Variants in KCNQ1OT1 observed in about 807,000 individuals in gnomAD.
KCNQ1OT1 encodes KCNQ1 antisense RNA 2 (non-protein coding).
exon 1 of KCNQ1OT1, chr11:2,696,818 G>A (rs1850684200): frequency 2.5e-6 from 1 of 398,426 alleles, no homozygotes; most frequent in Admixed American, 4.4e-5. Flanking sequence ...TATTCTGATT[G>A]CTGTCCTAAT....
Position 2,617,477 on chromosome 11 carries a change from G to A in KCNQ1OT1, n.82518C>T, listed in dbSNP as rs190232736. 6.3e-5 allele frequency: 25 copies of A among 398,350 alleles called. No individual in the cohort carries two copies. Among genetic ancestry groups the A allele is most frequent in the Non-Finnish European group, 8.4e-5 (19 of 225,944 alleles). The allele number at this position is 398,350 out of a possible 1,614,324, so 24.7% of individuals were successfully genotyped here. ...AGTTTAGTCATCCATCAATGGACAC[G>A]TAAGTTTTCATATCGTGACTCATGC... On this transcript the variant is annotated non_coding_transcript_exon_variant, in exon 1 of 1. Transcript: ENST00000597346. This position sits in a 1 kb window ranked among gnomAD's most constrained non-coding sequence, Gnocchi z 4.6.
chr11:2,678,206 C>T lies in KCNQ1OT1; in HGVS notation n.21789G>A. 1 of 398,318 alleles carries T rather than the reference C, an allele frequency of 2.5e-6. No homozygotes were observed. 24.7% of individuals were successfully genotyped at this position (398,318 alleles called of 1,614,324 possible). On this transcript the variant is annotated non_coding_transcript_exon_variant, in exon 1 of 1. Coordinates refer to ENST00000597346, the Ensembl canonical transcript of KCNQ1OT1. The surrounding 1 kb of genome is among the most constrained non-coding windows in gnomAD (Gnocchi z 4.9). ...CAGAATTTTTTTAATTTCACATAGTCAGCTGTGTCAGTCTTTTATGGTTTG... is the reference window on the plus strand; with the variant it reads ...CAGAATTTTTTTAATTTCACATAGTTAGCTGTGTCAGTCTTTTATGGTTTG...
chr11:2,628,299 C>G (rs1849292395), exon 1 of KCNQ1OT1: 2 of 398,408 alleles, frequency 5.0e-6, no homozygotes, highest in South Asian at 2.5e-4. Flanking sequence ...CCAACACTTG[C>G]TATCTTTTGA....
At chr11:2,619,895 G>A in exon 1 of KCNQ1OT1, 1 of 398,308 alleles carries the variant, frequency 2.5e-6, no homozygotes, top group Non-Finnish European at 4.4e-6. Context: ...ATATGTACAG[G>A]TCTATATGTT....
chr11:2,674,435 G>A lies in KCNQ1OT1; in HGVS notation n.25560C>T, dbSNP rs1254511642. On this transcript the variant is annotated non_coding_transcript_exon_variant, in exon 1 of 1. Coordinates refer to ENST00000597346, the Ensembl canonical transcript of KCNQ1OT1. The surrounding 1 kb of genome is among the most constrained non-coding windows in gnomAD (Gnocchi z 5.9). ...CGCCCGCGCGCACACGACCACAGAG[G>A]CTGGGGGGAGGCACGTGGGGAGGAG... 7.5e-6 allele frequency: 3 copies of A among 398,554 alleles called. No homozygotes were observed. Among genetic ancestry groups the A allele is most frequent in the African/African-American group, 4.1e-5 (2 of 48,630 alleles). The allele number at this position is 398,554 out of a possible 1,614,324, so 24.7% of individuals were successfully genotyped here.
exon 1 of KCNQ1OT1, chr11:2,665,318 G>A (rs1166397877): frequency 2.5e-6 from 1 of 398,206 alleles, no homozygotes; most frequent in Non-Finnish European, 4.4e-6. Flanking sequence ...AGAGAAAGGT[G>A]GGAAGTAGAG....
rs1253611179 is a variant in KCNQ1OT1, at chr11:2,659,480, T to C, written n.40515A>G. 3 of 398,594 alleles carry C rather than the reference T, an allele frequency of 7.5e-6. No homozygotes were observed. Among genetic ancestry groups the C allele is most frequent in the South Asian group, 1.3e-4 (1 of 7,862 alleles). The allele number at this position is 398,594 out of a possible 1,614,324, so 24.7% of individuals were successfully genotyped here. A position where few individuals can be genotyped will look rare whatever the true frequency, so the allele number is the denominator to read the frequency against. ...TGGGTGGTATTCCATTGCATGAATA[T>C]ATACATTTTGTTTATGCATTCACCT... On this transcript the variant is annotated non_coding_transcript_exon_variant, in exon 1 of 1. Coordinates refer to ENST00000597346, the Ensembl canonical transcript of KCNQ1OT1. This position sits in a 1 kb window ranked among gnomAD's most constrained non-coding sequence, Gnocchi z 4.3.
exon 1 of KCNQ1OT1, chr11:2,619,500 T>G (rs1849128009): frequency 2.5e-6 from 1 of 398,490 alleles, no homozygotes; most frequent in Non-Finnish European, 4.4e-6. Flanking sequence ...AAGATTTGCA[T>G]GCCAGAAATT....
Position 2,698,313 on chromosome 11 carries a change from G to C in KCNQ1OT1, n.1682C>G, listed in dbSNP as rs1850713016. 2.5e-6 allele frequency: 1 copy of C among 398,480 alleles called. No individual in the cohort carries two copies. Among genetic ancestry groups the C allele is most frequent in the Non-Finnish European group, 4.4e-6 (1 of 226,076 alleles). The allele number at this position is 398,480 out of a possible 1,614,324, so 24.7% of individuals were successfully genotyped here. On this transcript the variant is annotated non_coding_transcript_exon_variant, in exon 1 of 1. Transcript: ENST00000597346. The surrounding 1 kb of genome is among the most constrained non-coding windows in gnomAD (Gnocchi z 5.1). ...GATGAATTATTCTCTTTCATAACCA[G>C]AACAGTGCTGTGGGAAGGCACTCTT...
chr11:2,610,714 G>T (rs1156571926), exon 1 of KCNQ1OT1: 23 of 359,434 alleles, frequency 6.4e-5, no homozygotes, highest in African/African-American at 4.9e-4. Flanking sequence ...ATTCTTGGTT[G>T]GCTTTTTTTT....
rs779700352 is a variant in KCNQ1OT1, at chr11:2,657,526, C to T, written n.42469G>A. The T allele has an allele frequency of 5.3e-5, 21 of 398,512 alleles. No homozygotes were observed. The highest frequency in any genetic ancestry group is 4.0e-4 in the Admixed American group (9 of 22,724). The allele number at this position is 398,512 out of a possible 1,614,324, so 24.7% of individuals were successfully genotyped here. A position where few individuals can be genotyped will look rare whatever the true frequency, so the allele number is the denominator to read the frequency against. The stretch of plus-strand genomic sequence containing the variant: ...TACAGAAGAGAAACAAAAATAGTAC[C>T]GAGTACCCACATCCCTTTCACCAGC... On this transcript the variant is annotated non_coding_transcript_exon_variant, in exon 1 of 1. Coordinates refer to ENST00000597346, the Ensembl canonical transcript of KCNQ1OT1. This position sits in a 1 kb window ranked among gnomAD's most constrained non-coding sequence, Gnocchi z 4.8.
In KCNQ1OT1 at chr11:2,612,073, C is replaced by G. The variant is rs1291569676; in HGVS notation, n.87922G>C. ...ATATGTTACAACTTAATTACACATA[C>G]ATTGTTACACATCCTGTTAGGACAG... On this transcript the variant is annotated non_coding_transcript_exon_variant, in exon 1 of 1. Transcript: ENST00000597346. This position sits in a 1 kb window ranked among gnomAD's most constrained non-coding sequence, Gnocchi z 5.5. 2.5e-6 allele frequency: 1 copy of G among 398,470 alleles called. No individual in the cohort carries two copies. Among genetic ancestry groups the G allele is most frequent in the East Asian group, 3.6e-5 (1 of 28,084 alleles). The allele number at this position is 398,470 out of a possible 1,614,324, so 24.7% of individuals were successfully genotyped here.
chr11:2,669,322 T>C lies in KCNQ1OT1; in HGVS notation n.30673A>G, dbSNP rs1850140693. ...CATATGCCAGTTGCCATGGAAAGCC[T>C]CCTCTAGGCGCAGCAGCCTCTAGAT... On this transcript the variant is annotated non_coding_transcript_exon_variant, in exon 1 of 1. Coordinates refer to ENST00000597346, the Ensembl canonical transcript of KCNQ1OT1. The surrounding 1 kb of genome is among the most constrained non-coding windows in gnomAD (Gnocchi z 5.6). 1 of 398,540 alleles carries C rather than the reference T, an allele frequency of 2.5e-6. No individual in the cohort carries two copies. The highest frequency in any genetic ancestry group is 2.1e-5 in the African/African-American group (1 of 48,632). The allele number at this position is 398,540 out of a possible 1,614,324, so 24.7% of individuals were successfully genotyped here.
At chr11:2,633,620 G>A in exon 1 of KCNQ1OT1, 1 of 398,484 alleles carries the variant, frequency 2.5e-6, no homozygotes, top group Non-Finnish European at 4.4e-6. Context: ...GTTCAACATG[G>A]TGTCCTTTCC....
In KCNQ1OT1 at chr11:2,612,101, G is replaced by T. The variant is rs1161138311; in HGVS notation, n.87894C>A. On this transcript the variant is annotated non_coding_transcript_exon_variant, in exon 1 of 1. Transcript: ENST00000597346. This position sits in a 1 kb window ranked among gnomAD's most constrained non-coding sequence, Gnocchi z 5.5. ...TGTTACACATCCTGTTAGGACAGGG[G>T]TTCCCAACCCCAGGGCCATGGACTG... 2.5e-6 allele frequency: 1 copy of T among 398,500 alleles called. No individual in the cohort carries two copies. The highest frequency in any genetic ancestry group is 4.4e-6 in the Non-Finnish European group (1 of 226,076). The allele number at this position is 398,500 out of a possible 1,614,324, so 24.7% of individuals were successfully genotyped here. A position where few individuals can be genotyped will look rare whatever the true frequency, so the allele number is the denominator to read the frequency against.
chr11:2,668,174 C>T lies in KCNQ1OT1; in HGVS notation n.31821G>A. 1 of 398,660 alleles carries T rather than the reference C, an allele frequency of 2.5e-6. No individual in the cohort carries two copies. The highest frequency in any genetic ancestry group is 4.4e-6 in the Non-Finnish European group (1 of 226,086). The allele number at this position is 398,660 out of a possible 1,614,324, so 24.7% of individuals were successfully genotyped here. A position where few individuals can be genotyped will look rare whatever the true frequency, so the allele number is the denominator to read the frequency against. On this transcript the variant is annotated non_coding_transcript_exon_variant, in exon 1 of 1. Transcript: ENST00000597346. This position sits in a 1 kb window ranked among gnomAD's most constrained non-coding sequence, Gnocchi z 4.3. ...AGTGCTCCCTCATGCTCCTTGCTGA[C>T]TGGTGCTCCATTGTGTGCATGGCCT...
rs940837479 is a variant in KCNQ1OT1, at chr11:2,679,461, A to G, written n.20534T>C. The G allele has an allele frequency of 2.0e-5, 8 of 398,526 alleles. No individual in the cohort carries two copies. Among genetic ancestry groups the G allele is most frequent in the Admixed American group, 1.3e-4 (3 of 22,722 alleles). The allele number at this position is 398,526 out of a possible 1,614,324, so 24.7% of individuals were successfully genotyped here. A position where few individuals can be genotyped will look rare whatever the true frequency, so the allele number is the denominator to read the frequency against. On this transcript the variant is annotated non_coding_transcript_exon_variant, in exon 1 of 1. Transcript: ENST00000597346. The surrounding 1 kb of genome is among the most constrained non-coding windows in gnomAD (Gnocchi z 4.8). Reference sequence around the variant, plus strand: ...GGAGGATTACACAAATTAATAATATAAAGTATGCAGAAAAGTGCCTGTCCT... The same window carrying G: ...GGAGGATTACACAAATTAATAATATGAAGTATGCAGAAAAGTGCCTGTCCT...
chr11:2,617,631 C>T lies in KCNQ1OT1; in HGVS notation n.82364G>A. 5.0e-6 allele frequency: 2 copies of T among 398,350 alleles called. No homozygotes were observed. The highest frequency in any genetic ancestry group is 4.4e-5 in the Admixed American group (1 of 22,706). The allele number at this position is 398,350 out of a possible 1,614,324, so 24.7% of individuals were successfully genotyped here. A position where few individuals can be genotyped will look rare whatever the true frequency, so the allele number is the denominator to read the frequency against. On this transcript the variant is annotated non_coding_transcript_exon_variant, in exon 1 of 1. Transcript: ENST00000597346. This position sits in a 1 kb window ranked among gnomAD's most constrained non-coding sequence, Gnocchi z 4.6. ...AGTATATTTTCAATTTCTTTAGGAGCCACCATTCTGTTTTTCATTATGACT... is the reference window on the plus strand; with the variant it reads ...AGTATATTTTCAATTTCTTTAGGAGTCACCATTCTGTTTTTCATTATGACT...
chr11:2,668,255 G>A lies in KCNQ1OT1; in HGVS notation n.31740C>T, dbSNP rs980817443. The stretch of plus-strand genomic sequence containing the variant: ...CAGCAGGCAGTTTCTGGTGTAGGTT[G>A]CTGTTTAAGAATATTCTGTACATGC... On this transcript the variant is annotated non_coding_transcript_exon_variant, in exon 1 of 1. Transcript: ENST00000597346. The surrounding 1 kb of genome is among the most constrained non-coding windows in gnomAD (Gnocchi z 4.3). 1.0e-5 allele frequency: 4 copies of A among 398,510 alleles called. No homozygotes were observed. Among genetic ancestry groups the A allele is most frequent in the African/African-American group, 6.2e-5 (3 of 48,614 alleles). 24.7% of individuals were successfully genotyped at this position (398,510 alleles called of 1,614,324 possible). A position where few individuals can be genotyped will look rare whatever the true frequency, so the allele number is the denominator to read the frequency against.
Sources: gnomAD v4.1 joint callset for allele counts on GRCh38, gnomAD v4.1.1 for gene constraint, Gnocchi (gnomAD v3.1) non-coding constraint, MANE v1.5 for transcripts, NCBI Gene and HGNC (gene_info 2026-07-23, HGNC 2026-07-21) for gene names.